The following ANKFY1 variants were observed in gnomAD, a reference collection of about 807,000 sequenced individuals.
ANKFY1 encodes the protein ankyrin repeat and FYVE domain-containing protein 1.
Under a neutral mutation model 128.3 loss-of-function variants are expected in ANKFY1, and 47 were observed. That is an observed-to-expected ratio of 0.37 (90% CI 0.29 to 0.47). ANKFY1 has a LOEUF of 0.47. Among genes scored for constraint, ANKFY1 ranks in the 20% least tolerant of loss-of-function variants. ANKFY1 has a pLI of 1.00. For missense variants in ANKFY1, 1,222 were observed against 1,510.6 expected (o/e 0.81, Z 3.17); for synonymous variants, 553 against 601.6 (o/e 0.92, Z 1.18).
At chr17:4,216,576 T>C in intron 4 of ANKFY1, 1 of 273,774 alleles carries the variant, frequency 3.7e-6, no homozygotes, top group Non-Finnish European at 7.3e-6. Flanking sequence ...TTTCACATAT[T>C]CATTTAGGCA....
chr17:4,254,703 T>G (rs2143527296), intron 1 of ANKFY1, among the ~76,000 whole-genome samples: 1 of 152,356 alleles, frequency 6.6e-6, no homozygotes, highest in East Asian at 1.9e-4. Context: ...TAAAAGATTT[T>G]AATGCCCTAG....
chr17:4,202,696 CAAAAAAAA>C lies in ANKFY1; in HGVS notation c.898+3617_898+3624del, dbSNP rs60561665. Reference sequence around the variant, plus strand: ...TGGGCGACAGAGCGAAACTCCGTCTCAAAAAAAAAAAAAAAAAAAAAAAGAGAGATAAA... The same window carrying C: ...TGGGCGACAGAGCGAAACTCCGTCTCAAAAAAAAAAAAAAAGAGAGATAAA... On this transcript the variant is annotated intron_variant, in intron 7 of 24. Transcript: ENST00000341657. Among the ~76,000 whole-genome samples the C allele has an allele frequency of 2.3e-3, 169 of 74,746 alleles. 1 individual carries two copies. Among genetic ancestry groups the C allele is most frequent in the African/African-American group, 0.011 (162 of 15,320 alleles). 49.0% of individuals were successfully genotyped at this position (74,746 alleles called of 152,430 possible).
At chr17:4,222,343 GACCTTATTATTC>G in intron 3 of ANKFY1, 1 of 750,934 alleles carries the variant, frequency 1.3e-6, no homozygotes, top group Non-Finnish European at 2.5e-6. Context: ...TGTGACAAAT[GACCTTATTATTC>G]ACTACGCTCT....
intron 21 of ANKFY1, 101 bp from the exon 22 acceptor site, chr17:4,172,781 A>G: frequency 6.9e-7 from 1 of 1,457,668 alleles, no homozygotes. Context: ...ATAAATCTAA[A>G]AGACACAAAA....
chr17:4,251,737 T>C (rs531052101), intron 1 of ANKFY1, among the ~76,000 whole-genome samples: 1 of 152,102 alleles, frequency 6.6e-6, no homozygotes, highest in African/African-American at 2.4e-5. Flanking sequence ...GGAGAAAATA[T>C]GTGCAAAACA....
rs144540234 is a variant in ANKFY1 at position 4,248,244 on chromosome 17, C to A, written c.11-5796G>T. 3.6e-3 allele frequency among the ~76,000 whole-genome samples: 550 copies of A among 152,338 alleles called. 20 individuals are homozygous for A. The East Asian group carries it at 0.068, about 19-fold the overall frequency. ...AGCAGGAGGTGAGCTGCGGGCGAGT[C>A]AGCATGACCACCTGAGCTCCGCCTC... On this transcript the variant is annotated intron_variant, in intron 1 of 24. Transcript: ENST00000341657.
At chr17:4,176,694 CTTGCTTAG>C (rs1378563102) in intron 19 of ANKFY1, among the ~76,000 whole-genome samples, 2 of 152,284 alleles carry the variant, frequency 1.3e-5, no homozygotes, top group Admixed American at 6.5e-5. Context: ...TCCAGCACTA[CTTGCTTAG>C]ATAGCCTCGG....
chr17:4,258,724 C>T (rs1968256423), intron 1 of ANKFY1, among the ~76,000 whole-genome samples: 1 of 152,070 alleles, frequency 6.6e-6, no homozygotes. Context: ...ACTAGTACAA[C>T]TGAGAAGTTA....
intron 7 of ANKFY1, among the ~76,000 whole-genome samples, chr17:4,197,935 G>T (rs1462853820): frequency 6.6e-6 from 1 of 152,108 alleles, no homozygotes; most frequent in Non-Finnish European, 1.5e-5. Context: ...TTGGAGACCA[G>T]CCTGACCAAC....
In ANKFY1 at chr17:4,164,267, A is replaced by G. The variant is rs1340948225; in HGVS notation, c.*3512T>C. On this transcript the variant is annotated 3_prime_UTR_variant, in exon 25 of 25. Transcript: ENST00000341657. ...ATGTTGTCAGTTGTAACAGGTTAAT[A>G]TATTATTTATGCCACACAAAAAAGG... 1 of 152,698 alleles carries G rather than the reference A, an allele frequency of 6.5e-6. No homozygotes were observed. The highest frequency in any genetic ancestry group is 1.5e-5 in the Non-Finnish European group (1 of 68,050). The allele number at this position is 152,698 out of a possible 1,614,324, so 9.5% of individuals were successfully genotyped here.
chr17:4,243,317 C>T (rs1967355183), intron 1 of ANKFY1, among the ~76,000 whole-genome samples: 1 of 152,032 alleles, frequency 6.6e-6, no homozygotes, highest in South Asian at 2.1e-4. Context: ...CCACCCACCT[C>T]GGCCTCCCAA....
intron 19 of ANKFY1, among the ~76,000 whole-genome samples, chr17:4,175,160 T>C (rs1214976932): frequency 3.3e-5 from 5 of 151,230 alleles, no homozygotes; most frequent in African/African-American, 1.2e-4. Flanking sequence ...TGGCAAAACC[T>C]CATCTCTACA....
intron 3 of ANKFY1, among the ~76,000 whole-genome samples, chr17:4,219,870 G>A (rs2143048619): frequency 6.6e-6 from 1 of 152,172 alleles, no homozygotes; most frequent in South Asian, 2.1e-4. Flanking sequence ...CACCCAGGCT[G>A]GAGTGCAGTG....
intron 11 of ANKFY1, chr17:4,186,993 A>G: frequency 8.2e-7 from 1 of 1,215,046 alleles, no homozygotes; most frequent in Non-Finnish European, 1.0e-6. Flanking sequence ...GGTTCGCCGC[A>G]ACTGTTTTTT....
rs551202106 is a variant in ANKFY1 at position 4,236,641 on chromosome 17, G to A, written c.204-751C>T. On this transcript the variant is annotated intron_variant, in intron 2 of 24. Transcript: ENST00000341657. ...TCAAGATGACCCACTAGGCTGACAC[G>A]AACACATGCCGTATGGCTATGCTGG... Among the ~76,000 whole-genome samples the A allele has an allele frequency of 1.1e-4, 16 of 152,256 alleles. No homozygotes were observed. The East Asian group carries it at 3.1e-3, about 29-fold the overall frequency.
intron 10 of ANKFY1, chr17:4,194,366 C>T (rs2059778203): frequency 7.1e-6 from 1 of 141,096 alleles, no homozygotes; most frequent in African/African-American, 2.5e-5. Flanking sequence ...ACCTCGGCCT[C>T]CCAAAATGCT....
Position 4,217,002 on chromosome 17 carries a change from GCTGAA to G in ANKFY1, c.434_438del (p.Phe145SerfsTer9). 6.2e-7 allele frequency: 1 copy of G among 1,614,158 alleles called. No individual in the cohort carries two copies. Among genetic ancestry groups the G allele is most frequent in the East Asian group, 2.2e-5 (1 of 44,878 alleles). On this transcript the variant is annotated frameshift_variant, in exon 4 of 25. Coordinates refer to ENST00000341657, the MANE Select transcript of ANKFY1 (RefSeq NM_001330063.2). LOFTEE classifies it high-confidence loss of function. ...ACTTGCCTCTCCCTGAGGAGCTGTA[GCTGAA>G]ACCGATTTGCTAGTTTCATCAGTTC...
chr17:4,211,945 A>G (rs1010400979), intron 4 of ANKFY1, among the ~76,000 whole-genome samples: 4 of 152,146 alleles, frequency 2.6e-5, no homozygotes, highest in Non-Finnish European at 5.9e-5. Context: ...ACTACATCAG[A>G]GAAGAGAGAG....
chr17:4,262,323 A>T lies in ANKFY1; in HGVS notation c.10+1609T>A, dbSNP rs566296211. ...TCACTCCAGGCTGGAGTGCAGTAGC[A>T]CGATCTCAGCTCACTGTAACCTCCG... On this transcript the variant is annotated intron_variant, in intron 1 of 24. Coordinates refer to ENST00000341657, the MANE Select transcript of ANKFY1 (RefSeq NM_001330063.2). Among the ~76,000 whole-genome samples the T allele has an allele frequency of 2.9e-3, 436 of 152,212 alleles. 4 individuals are homozygous for T. The highest frequency in any genetic ancestry group is 2.1e-3 in the Non-Finnish European group (141 of 68,006).
Sources: gnomAD v4.1 joint callset for allele counts (sites outside exome capture counted in the v4.1 genomes callset) on GRCh38, gnomAD v4.1.1 for gene constraint, MANE v1.5 for transcripts, NCBI Gene and HGNC (gene_info 2026-07-23, HGNC 2026-07-21) for gene names.